CLEC2A: variants seen among roughly 807,000 people sequenced by gnomAD.
The protein encoded by CLEC2A is keratinocyte-associated C-type lectin.
A neutral mutation model predicts 18.6 loss-of-function variants in CLEC2A; 19 were observed. The ratio of observed to expected loss-of-function variants is 1.02; its 90% CI spans 0.71 to 1.50. The LOEUF is 1.50. Ranked by LOEUF, CLEC2A falls within the 40% of genes most tolerant of loss-of-function variation. The pLI is 0.00. For synonymous variants in CLEC2A, 74 were observed against 64.0 expected, an observed-to-expected ratio of 1.16 and a Z score of -0.75; for missense variants, 190 against 207.9, an observed-to-expected ratio of 0.91 and a Z score of 0.53.
chr12:9,902,654 A>G (rs1862849702), intron 4 of CLEC2A, among the ~76,000 whole-genome samples: 2 of 151,916 alleles, frequency 1.3e-5, no homozygotes, highest in South Asian at 2.1e-4. Context: ...GAAAAAAAAA[A>G]AAAGAAAGAA....
In CLEC2A at chr12:9,932,293, C is replaced by T; in HGVS notation, c.37G>A (p.Gly13Ser). ...AACTTACCTATCCGATGTATGAAGC[C>T]ATCAGCTCTGCCATCCCGCAGCTCT... ...NPELRDGRAD[G>S]FIHRIVPKLI... The change falls in exon 1 of 5, where the codon GGC becomes AGC. Residue 13 changes from glycine (G) to serine (S), a missense_variant. Transcript: ENST00000455827. The T allele has an allele frequency of 5.8e-6, 9 of 1,551,748 alleles. No individual in the cohort carries two copies. Among genetic ancestry groups the T allele is most frequent in the Non-Finnish European group, 7.8e-6 (9 of 1,146,792 alleles).
the CLEC2A span, among the ~76,000 whole-genome samples, chr12:9,883,099 T>A: frequency 3.9e-5 from 6 of 152,190 alleles, no homozygotes; most frequent in African/African-American, 1.2e-4. Flanking sequence ...ACTGTAGGCA[T>A]GTTTGTGCTT....
At chr12:9,901,858 A>G (rs1469257761) in intron 4 of CLEC2A, among the ~76,000 whole-genome samples, 1 of 152,244 alleles carries the variant, frequency 6.6e-6, no homozygotes, top group Admixed American at 6.5e-5. Flanking sequence ...TTAGCACCAT[A>G]GGAAAACCTT....
the CLEC2A span, chr12:9,893,457 G>C: frequency 8.7e-6 from 13 of 1,502,804 alleles, no homozygotes; most frequent in Non-Finnish European, 1.2e-5. Context: ...TTAAAACCTG[G>C]ACATTTTGGT....
chr12:9,923,143 T>C (rs969052121), intron 2 of CLEC2A, among the ~76,000 whole-genome samples: 12 of 152,182 alleles, frequency 7.9e-5, no homozygotes, highest in Admixed American at 2.6e-4. Flanking sequence ...TCTTCTAGGT[T>C]TGAAGCCCCG....
At chr12:9,928,111 T>C (rs1271386147) in intron 1 of CLEC2A, among the ~76,000 whole-genome samples, 1 of 152,194 alleles carries the variant, frequency 6.6e-6, no homozygotes, top group Non-Finnish European at 1.5e-5. Context: ...AGTAAAGCTG[T>C]CTTAGAGAAA....
chr12:9,888,579 A>C, the CLEC2A span, among the ~76,000 whole-genome samples: 2 of 152,206 alleles, frequency 1.3e-5, no homozygotes, highest in South Asian at 4.1e-4. Flanking sequence ...ACGTAGTTAA[A>C]TCTGGGGAAG....
At chr12:9,892,358 CT>C in the CLEC2A span, among the ~76,000 whole-genome samples, 98 of 152,224 alleles carry the variant, frequency 6.4e-4, no homozygotes, top group African/African-American at 2.3e-3. Flanking sequence ...TAAAGACAAT[CT>C]TGAAATGTCA....
rs573594378 is a variant in CLEC2A at position 9,926,682 on chromosome 12, A to AT, written c.56-340_56-339insA. 1.5e-3 allele frequency among the ~76,000 whole-genome samples: 230 copies of AT among 152,306 alleles called. 1 individual carries two copies. The highest frequency in any genetic ancestry group is 4.8e-3 in the African/African-American group (200 of 41,572). The stretch of plus-strand genomic sequence containing the variant: ...AGGCATAAAGATCATCAAAAGGTCC[A>AT]CGATTAGAGCAAATGTTTATAACAG... On this transcript the variant is annotated intron_variant, in intron 1 of 4. Transcript: ENST00000455827.
chr12:9,896,620 A>T (rs1862759066), downstream of CLEC2A, among the ~76,000 whole-genome samples: 1 of 152,048 alleles, frequency 6.6e-6, no homozygotes, highest in African/African-American at 2.4e-5. Flanking sequence ...AACTACAATA[A>T]CTTGTTTTTA....
the CLEC2A span, chr12:9,893,485 T>TA: frequency 2.0e-6 from 3 of 1,525,408 alleles, no homozygotes; most frequent in South Asian, 3.6e-5. Flanking sequence ...GACTATATGT[T>TA]ACATTCCAAG....
chr12:9,895,484 T>C (rs376755948), downstream of CLEC2A, among the ~76,000 whole-genome samples: 1 of 152,218 alleles, frequency 6.6e-6, no homozygotes, highest in Non-Finnish European at 1.5e-5. Context: ...GGATGTCTTC[T>C]AGTGTAGCTC....
Position 9,916,677 on chromosome 12 carries a change from T to C in CLEC2A, c.410+23A>G, listed in dbSNP as rs1161018248. 3 of 1,373,156 alleles carry C rather than the reference T, an allele frequency of 2.2e-6. No individual in the cohort carries two copies. The South Asian group carries it at 3.7e-5, about 17-fold the overall frequency. The allele number at this position is 1,373,156 out of a possible 1,614,324, so 85.1% of individuals were successfully genotyped here. On this transcript the variant is annotated intron_variant, in intron 4 of 4. Coordinates refer to ENST00000455827, the MANE Select transcript of CLEC2A (RefSeq NM_001130711.2). ...CATATGACACACCAGAATAAGAACA[T>C]TGCTAATACATTGGAAACTCACCAA...
At chr12:9,898,100 G>A (rs1198635587), downstream of CLEC2A, among the ~76,000 whole-genome samples, 1 of 152,208 alleles carries the variant, frequency 6.6e-6, no homozygotes, top group East Asian at 1.9e-4. Context: ...TGATGCCATA[G>A]TTCATTCCCT....
At chr12:9,905,714 T>G (rs144616556) in intron 4 of CLEC2A, among the ~76,000 whole-genome samples, 1,741 of 152,280 alleles carry the variant, frequency 0.011, 28 homozygotes, top group African/African-American at 0.039. Context: ...ATTCCCATTT[T>G]ATTTCTAATA....
chr12:9,887,511 T>C, the CLEC2A span, among the ~76,000 whole-genome samples: 12 of 152,310 alleles, frequency 7.9e-5, no homozygotes, highest in East Asian at 2.3e-3. Context: ...TTTTTTCCAT[T>C]CATTGTTTTG....
intron 2 of CLEC2A, among the ~76,000 whole-genome samples, chr12:9,926,008 G>T (rs1343969847): frequency 6.6e-6 from 1 of 152,190 alleles, no homozygotes; most frequent in Non-Finnish European, 1.5e-5. Flanking sequence ...GGTCATCTAA[G>T]AATTTAAGAT....
chr12:9,896,828 T>A (rs1862761638), downstream of CLEC2A, among the ~76,000 whole-genome samples: 1 of 151,840 alleles, frequency 6.6e-6, no homozygotes, highest in African/African-American at 2.4e-5. Flanking sequence ...TTTATTTTTA[T>A]CAGAACACAA....
chr12:9,927,998 A>G (rs564898768), intron 1 of CLEC2A, among the ~76,000 whole-genome samples: 3 of 152,356 alleles, frequency 2.0e-5, no homozygotes, highest in African/African-American at 7.2e-5. Context: ...ATACGACAAC[A>G]TCAGCTTACA....
Sources: allele counts gnomAD v4.1 joint callset (sites outside exome capture counted in the v4.1 genomes callset), GRCh38; gene constraint gnomAD v4.1.1; transcripts MANE v1.5; gene names NCBI Gene and HGNC (gene_info 2026-07-23, HGNC 2026-07-21).